ERMP1: variants seen among roughly 807,000 people sequenced by gnomAD.
ERMP1 encodes endoplasmic reticulum metallopeptidase 1, also known as Felix-ina.
ERMP1 carries 86 observed loss-of-function variants against 92.0 expected under a neutral mutation model. The observed-to-expected ratio is 0.93, with a 90% CI of 0.79 to 1.12. The LOEUF is 1.12. Ranked by LOEUF, ERMP1 falls within the 50% of genes most tolerant of loss-of-function variation. The pLI is 0.00. For missense variants in ERMP1, 1,342 were observed against 1,116.3 expected (o/e 1.20, Z -2.88); for synonymous variants, 530 against 412.8 (o/e 1.28, Z -3.44).
rs145250152 is a variant in ERMP1, at chr9:5,786,715, G to A, written c.*429C>T. The A allele has an allele frequency of 3.7e-5, 6 of 162,850 alleles. No homozygotes were observed. The East Asian group carries it at 1.1e-3, about 29-fold the overall frequency. 10.1% of individuals were successfully genotyped at this position (162,850 alleles called of 1,614,324 possible). ...ATTCTCAAGGGGAATCATTACCTCAGTGAATGATATTTTACCCACCATCCA... is the reference window on the plus strand; with the variant it reads ...ATTCTCAAGGGGAATCATTACCTCAATGAATGATATTTTACCCACCATCCA... On this transcript the variant is annotated 3_prime_UTR_variant, in exon 15 of 15. Coordinates refer to ENST00000339450, the MANE Select transcript of ERMP1 (RefSeq NM_024896.3).
chr9:5,797,712 C>T lies in ERMP1; in HGVS notation c.2386+105G>A, dbSNP rs899184222. ...ATTTTAGAAACATCACAGGCTCTTC[C>T]TAAGTTGCTGGTTCCTGTGATATAT... On this transcript the variant is annotated intron_variant, in intron 13 of 14. Coordinates refer to ENST00000339450, the MANE Select transcript of ERMP1 (RefSeq NM_024896.3). 33 of 715,384 alleles carry T rather than the reference C, an allele frequency of 4.6e-5. No individual in the cohort carries two copies. In the East Asian group the frequency reaches 6.1e-4, roughly 13 times the overall value. The allele number at this position is 715,384 out of a possible 1,614,324, so 44.3% of individuals were successfully genotyped here.
chr9:5,852,286 C>A (rs1359401454), intron 6 of ERMP1, among the ~76,000 whole-genome samples: 1 of 149,820 alleles, frequency 6.7e-6, no homozygotes, highest in South Asian at 2.1e-4. Flanking sequence ...TTTTTCCAGA[C>A]AGCGTCTCAT....
At chr9:5,799,036 T>G in intron 11 of ERMP1, 28 bp from the exon 12 acceptor site, 12 of 1,553,102 alleles carry the variant, frequency 7.7e-6, no homozygotes, top group Non-Finnish European at 1.1e-5. Flanking sequence ...GTGAAAAAAC[T>G]GTTTCAACTA....
At chr9:5,799,522 A>C (rs1316860790) in intron 11 of ERMP1, among the ~76,000 whole-genome samples, 1 of 152,096 alleles carries the variant, frequency 6.6e-6, no homozygotes, top group African/African-American at 2.4e-5. Context: ...CCAATCAGGA[A>C]AAAAACAAAC....
At chr9:5,793,760 TTGTA>T (rs1451850759) in intron 13 of ERMP1, among the ~76,000 whole-genome samples, 1 of 152,128 alleles carries the variant, frequency 6.6e-6, no homozygotes, top group Non-Finnish European at 1.5e-5. Flanking sequence ...AATCTTTAAT[TTGTA>T]TGTAGCTAAC....
chr9:5,787,550 T>C lies in ERMP1; in HGVS notation c.2430A>G (p.Ser810=), dbSNP rs772000991. 5 of 1,614,074 alleles carry C rather than the reference T, an allele frequency of 3.1e-6. No homozygotes were observed. The Admixed American group carries it at 8.3e-5, about 27-fold the overall frequency. The part of the protein sequence containing the change: ...MSFYVRAHKG[S]TLSQWSLGNG... ...TGCCAAGAGACCACTGAGAAAGTGT[T>C]GACCCTTTGTGGGCTCGAACATAGA... The change falls in exon 14 of 15, where the codon TCA becomes TCG. Residue 810 remains serine (S), a synonymous_variant. Transcript: ENST00000339450.
At chr9:5,806,543 T>C (rs1030625526) in intron 8 of ERMP1, among the ~76,000 whole-genome samples, 2 of 151,828 alleles carry the variant, frequency 1.3e-5, no homozygotes, top group Non-Finnish European at 2.9e-5. Flanking sequence ...TTCTTCTGCC[T>C]CAGCCTCCTG....
At chr9:5,812,092 G>C (rs1366143145) in intron 6 of ERMP1, 33 bp downstream of exon 6, 3 of 1,269,616 alleles carry the variant, frequency 2.4e-6, no homozygotes, top group East Asian at 2.3e-5. Context: ...TTCCATCTTA[G>C]TGTATATCAA....
At chr9:5,865,730 C>T (rs1198361314) in intron 5 of ERMP1, among the ~76,000 whole-genome samples, 23 of 140,872 alleles carry the variant, frequency 1.6e-4, no homozygotes, top group Admixed American at 1.6e-3. Flanking sequence ...CCCAGCTACT[C>T]GGGAGGCTGA....
chr9:5,842,146 G>A (rs578254715), intron 6 of ERMP1, among the ~76,000 whole-genome samples: 3 of 152,184 alleles, frequency 2.0e-5, no homozygotes, highest in African/African-American at 4.8e-5. Flanking sequence ...AAGGGGACTG[G>A]AGCAGGTTGC....
intron 6 of ERMP1, among the ~76,000 whole-genome samples, chr9:5,843,836 G>T (rs1296481736): frequency 1.3e-5 from 2 of 152,326 alleles, no homozygotes; most frequent in South Asian, 2.1e-4. Flanking sequence ...CTCAAAGGCA[G>T]AGTTACAGCC....
chr9:5,814,986 A>ATT (rs2131246911), intron 4 of ERMP1, among the ~76,000 whole-genome samples: 1 of 152,316 alleles, frequency 6.6e-6, no homozygotes, highest in South Asian at 2.1e-4. Context: ...GCTTAACACA[A>ATT]AGTTTAATAC....
Position 5,787,127 on chromosome 9 carries a change from A to G in ERMP1, c.*17T>C, listed in dbSNP as rs769145034. On this transcript the variant is annotated 3_prime_UTR_variant, in exon 15 of 15. Transcript: ENST00000339450. ...TGGAGTATCCACTGGGCATGTACTTAGAGCTCATCCACAAGATTAAAATAC... is the reference window on the plus strand; with the variant it reads ...TGGAGTATCCACTGGGCATGTACTTGGAGCTCATCCACAAGATTAAAATAC... The G allele has an allele frequency of 1.9e-6, 3 of 1,606,922 alleles. No homozygotes were observed. Among genetic ancestry groups the G allele is most frequent in the Non-Finnish European group, 2.6e-6 (3 of 1,175,998 alleles).
intron 7 of ERMP1, 110 bp downstream of exon 7, chr9:5,811,001 T>A (rs180887262): frequency 3.0e-6 from 2 of 665,584 alleles, no homozygotes; most frequent in Non-Finnish European, 5.1e-6. Context: ...AAAGCAAACA[T>A]TGTCTTAAGA....
chr9:5,792,844 AAAG>A (rs1431131957), intron 13 of ERMP1, among the ~76,000 whole-genome samples: 1 of 152,200 alleles, frequency 6.6e-6, no homozygotes, highest in African/African-American at 2.4e-5. Flanking sequence ...TAAGAATATA[AAAG>A]AATAGAACAA....
At chr9:5,815,251 C>G (rs1428833523) in intron 4 of ERMP1, among the ~76,000 whole-genome samples, 2 of 151,954 alleles carry the variant, frequency 1.3e-5, no homozygotes, top group East Asian at 3.9e-4. Context: ...TATTCCCCAC[C>G]AAAAGAAACC....
upstream of ERMP1, among the ~76,000 whole-genome samples, chr9:5,834,703 A>ATATG (rs1554627430): frequency 6.5e-5 from 8 of 122,906 alleles, no homozygotes; most frequent in Admixed American, 4.5e-4. Context: ...GTATGTATAT[A>ATATG]TGTGTGTGTG....
At chr9:5,796,015 A>G (rs117324415) in intron 13 of ERMP1, among the ~76,000 whole-genome samples, 3 of 152,288 alleles carry the variant, frequency 2.0e-5, no homozygotes, top group South Asian at 2.1e-4. Flanking sequence ...CAAAATATAT[A>G]TAAGGATTCT....
chr9:5,790,240 C>T (rs937950942), intron 13 of ERMP1, among the ~76,000 whole-genome samples: 1 of 145,230 alleles, frequency 6.9e-6, no homozygotes, highest in Non-Finnish European at 1.5e-5. Context: ...AGCGCAGTGG[C>T]GCAATTTCAG....
Sources: allele counts gnomAD v4.1 joint callset (sites outside exome capture counted in the v4.1 genomes callset), GRCh38; gene constraint gnomAD v4.1.1; transcripts MANE v1.5; gene names NCBI Gene and HGNC (gene_info 2026-07-23, HGNC 2026-07-21).